The following DCC variants were observed in gnomAD, a reference collection of about 807,000 sequenced individuals.
DCC encodes netrin receptor DCC.
DCC carries 58 observed loss-of-function variants against 172.5 expected under a neutral mutation model. That is an observed-to-expected ratio of 0.34 (90% CI 0.27 to 0.42). DCC has a LOEUF of 0.42. DCC is among the 10% of genes least tolerant of loss of function. DCC has a pLI of 1.00. For synonymous variants in DCC, 709 were observed against 644.5 expected (o/e 1.10, Z -1.52); for missense variants, 1,740 against 1,791.0 (o/e 0.97, Z 0.51).
chr18:52,817,990 C>T (rs951167706), intron 2 of DCC: 67 of 152,266 alleles, frequency 4.4e-4, no homozygotes, highest in African/African-American at 1.4e-3. Context: ...TGAAATGCTA[C>T]ATGTCATTGT....
chr18:53,000,557 C>T (rs1259679003), intron 5 of DCC, among the ~76,000 whole-genome samples: 1 of 146,648 alleles, frequency 6.8e-6, no homozygotes, highest in Non-Finnish European at 1.5e-5. Context: ...GCTGAGGGGT[C>T]ACCATGTTTA....
chr18:52,500,222 T>C (rs1271100444), intron 1 of DCC, among the ~76,000 whole-genome samples: 1 of 152,084 alleles, frequency 6.6e-6, no homozygotes, highest in African/African-American at 2.4e-5. Flanking sequence ...TATTTCCTGG[T>C]TGAAGTGAGC....
chr18:53,192,719 G>A (rs1414086987), intron 9 of DCC, among the ~76,000 whole-genome samples: 1 of 152,192 alleles, frequency 6.6e-6, no homozygotes, highest in Non-Finnish European at 1.5e-5. Flanking sequence ...GAAGATGTTA[G>A]GTTATGAGTG....
At chr18:53,408,874 G>T in intron 19 of DCC, among the ~76,000 whole-genome samples, 1 of 152,142 alleles carries the variant, frequency 6.6e-6, no homozygotes, top group East Asian at 1.9e-4. Flanking sequence ...CCAGATGTTG[G>T]AGATTGTAAC....
intron 27 of DCC, among the ~76,000 whole-genome samples, chr18:53,508,153 A>C (rs1486181728): frequency 2.0e-5 from 3 of 151,856 alleles, no homozygotes; most frequent in Admixed American, 2.0e-4. Flanking sequence ...TCGGCCTCCC[A>C]AAGTGCTGGG....
At chr18:52,957,847 C>G (rs1486165833) in intron 5 of DCC, among the ~76,000 whole-genome samples, 1 of 152,094 alleles carries the variant, frequency 6.6e-6, no homozygotes. Flanking sequence ...ACCCACAGAG[C>G]CTTGCAAACT....
chr18:53,305,794 C>A, intron 13 of DCC, 75 bp downstream of exon 13: 1 of 1,466,426 alleles, frequency 6.8e-7, no homozygotes, highest in Non-Finnish European at 9.6e-7. Flanking sequence ...TAGTCTCACT[C>A]CAAAGGAACA....
chr18:53,239,005 G>A (rs2144632573), intron 12 of DCC, among the ~76,000 whole-genome samples: 1 of 147,946 alleles, frequency 6.8e-6, no homozygotes, highest in Middle Eastern at 3.5e-3. Context: ...GAGAACACCT[G>A]GACACAGGAA....
intron 8 of DCC, among the ~76,000 whole-genome samples, chr18:53,178,312 G>T (rs1221402893): frequency 6.6e-6 from 1 of 152,184 alleles, no homozygotes; most frequent in African/African-American, 2.4e-5. Flanking sequence ...CACTGAGGAA[G>T]TTTTTAGTTT....
At chr18:53,342,487 T>C (rs1299635700) in intron 15 of DCC, among the ~76,000 whole-genome samples, 1 of 151,772 alleles carries the variant, frequency 6.6e-6, no homozygotes, top group African/African-American at 2.4e-5. Context: ...TCTATCTTTA[T>C]ATCTTTATTC....
At chr18:52,657,377 G>A (rs57391368) in intron 1 of DCC, among the ~76,000 whole-genome samples, 1 of 152,224 alleles carries the variant, frequency 6.6e-6, no homozygotes. Context: ...TTAGCTGGAA[G>A]AATTTCCCGG....
intron 5 of DCC, among the ~76,000 whole-genome samples, chr18:53,053,703 A>C (rs2042365006): frequency 6.6e-6 from 1 of 152,186 alleles, no homozygotes; most frequent in African/African-American, 2.4e-5. Context: ...TATTTGACTG[A>C]GGAAAAATAA....
At chr18:53,063,522 GT>G in intron 6 of DCC, 63 bp downstream of exon 6, 1 of 1,249,630 alleles carries the variant, frequency 8.0e-7, no homozygotes, top group Non-Finnish European at 1.1e-6. Flanking sequence ...TTTTTCACTT[GT>G]TTTTATTTCT....
At chr18:52,879,817 A>G (rs1370325820) in intron 2 of DCC, among the ~76,000 whole-genome samples, 1 of 152,104 alleles carries the variant, frequency 6.6e-6, no homozygotes, top group African/African-American at 2.4e-5. Context: ...CTGTGTCCCA[A>G]TTACTCTTTG....
intron 7 of DCC, among the ~76,000 whole-genome samples, chr18:53,119,020 CCT>C (rs746095582): frequency 2.4e-4 from 36 of 151,764 alleles, no homozygotes; most frequent in Middle Eastern, 3.2e-3. Flanking sequence ...ACTGGTCATT[CCT>C]CTGTGCTCCC....
intron 18 of DCC, 35 bp from the exon 19 acceptor site, chr18:53,402,751 C>T (rs777275176): frequency 2.2e-6 from 3 of 1,393,546 alleles, no homozygotes; most frequent in Non-Finnish European, 3.1e-6. Flanking sequence ...CTTTCACATC[C>T]AATGACAAGG....
chr18:52,385,291 T>C (rs1985749294), intron 1 of DCC, among the ~76,000 whole-genome samples: 1 of 152,148 alleles, frequency 6.6e-6, no homozygotes, highest in Non-Finnish European at 1.5e-5. Flanking sequence ...TTTATTTATT[T>C]TGGAGACAGA....
chr18:53,226,948 A>ATATTTT, intron 12 of DCC, among the ~76,000 whole-genome samples: 1 of 52,952 alleles, frequency 1.9e-5, no homozygotes, highest in African/African-American at 9.4e-5. Flanking sequence ...ATATATATAT[A>ATATTTT]TTTTTTTTTT....
chr18:53,120,280 A>G (rs1295719451), intron 7 of DCC, among the ~76,000 whole-genome samples: 1 of 151,828 alleles, frequency 6.6e-6, no homozygotes, highest in Non-Finnish European at 1.5e-5. Flanking sequence ...TGCTTCAATT[A>G]GTATAGAATA....
Sources: gnomAD v4.1 joint callset for allele counts (sites outside exome capture counted in the v4.1 genomes callset) on GRCh38, gnomAD v4.1.1 for gene constraint, MANE v1.5 for transcripts, NCBI Gene and HGNC (gene_info 2026-07-23, HGNC 2026-07-21) for gene names.